The following FA2H variants were observed in gnomAD, a reference collection of about 807,000 sequenced individuals.
FA2H encodes the protein fatty acid alpha-hydroxylase.
FA2H carries 22 observed loss-of-function variants against 44.9 expected under a neutral mutation model. The ratio of observed to expected loss-of-function variants is 0.49; its 90% CI spans 0.35 to 0.70. The LOEUF (loss-of-function observed/expected upper bound fraction) is 0.70, where lower values mean the gene tolerates loss of function less well. Ranked by LOEUF, FA2H falls within the 30% of genes least tolerant of loss-of-function variation. The pLI, the probability that FA2H is intolerant of heterozygous loss-of-function variation, is 0.01. For synonymous variants in FA2H, 243 were observed against 213.2 expected, an observed-to-expected ratio of 1.14 and a Z score of -1.22; for missense variants, 501 against 504.9, an observed-to-expected ratio of 0.99 and a Z score of 0.07.
intron 1 of FA2H, among the ~76,000 whole-genome samples, chr16:74,754,599 C>G (rs1441772174): frequency 1.3e-5 from 2 of 152,124 alleles, no homozygotes; most frequent in African/African-American, 2.4e-5. Context: ...GTGATCTCAG[C>G]TCACTGAGAC....
intron 4 of FA2H, among the ~76,000 whole-genome samples, chr16:74,724,064 G>A (rs929786450): frequency 6.6e-6 from 1 of 151,970 alleles, no homozygotes; most frequent in Admixed American, 6.6e-5. Context: ...ATCATGCCTG[G>A]CTAATTTTTA....
chr16:74,771,266 C>T (rs944651772), intron 1 of FA2H, among the ~76,000 whole-genome samples: 4 of 152,154 alleles, frequency 2.6e-5, no homozygotes, highest in African/African-American at 9.7e-5. Flanking sequence ...TCTCAGCTCA[C>T]TGCAACTTCT....
At chr16:74,724,712 T>C (rs915139115) in intron 4 of FA2H, among the ~76,000 whole-genome samples, 1 of 152,174 alleles carries the variant, frequency 6.6e-6, no homozygotes, top group Non-Finnish European at 1.5e-5. Flanking sequence ...ACTAACCCTC[T>C]ACACTGGACC....
At chr16:74,774,058 A>G (rs1249889711) in intron 1 of FA2H, among the ~76,000 whole-genome samples, 1 of 152,124 alleles carries the variant, frequency 6.6e-6, no homozygotes, top group Non-Finnish European at 1.5e-5. Context: ...AGGTGGGAAC[A>G]GGTTGAGCCC....
chr16:74,741,808 A>ATATATATATATATATGTGTGTGTG (rs1491185782), intron 1 of FA2H, among the ~76,000 whole-genome samples: 5 of 48,420 alleles, frequency 1.0e-4, no homozygotes, highest in Admixed American at 5.1e-4. Context: ...ATATATATAT[A>ATATATATATATATATGTGTGTGTG]TGTGTGTGTG....
At chr16:74,755,903 T>C (rs1962602051) in intron 1 of FA2H, among the ~76,000 whole-genome samples, 1 of 152,168 alleles carries the variant, frequency 6.6e-6, no homozygotes, top group Admixed American at 6.5e-5. Context: ...CGTAAGGGTA[T>C]AGTCTGACAA....
chr16:74,768,950 T>C (rs111272361), intron 1 of FA2H, among the ~76,000 whole-genome samples: 3,562 of 151,960 alleles, frequency 0.023, 148 homozygotes, highest in African/African-American at 0.082. Flanking sequence ...GCAGAGGGCA[T>C]GGTCAGCTGG....
chr16:74,736,674 TTA>T (rs2144629516), intron 2 of FA2H, among the ~76,000 whole-genome samples: 1 of 152,272 alleles, frequency 6.6e-6, no homozygotes, highest in South Asian at 2.1e-4. Context: ...CAGCAGCTGG[TTA>T]TGCCAGCATC....
intron 2 of FA2H, among the ~76,000 whole-genome samples, chr16:74,730,681 G>A (rs1009119759): frequency 6.6e-6 from 1 of 152,142 alleles, no homozygotes; most frequent in Admixed American, 6.5e-5. Context: ...GAAGAAGTTG[G>A]GCCAGGGTCA....
intron 1 of FA2H, among the ~76,000 whole-genome samples, chr16:74,771,908 G>A (rs1264436996): frequency 6.6e-6 from 1 of 151,058 alleles, no homozygotes; most frequent in African/African-American, 2.4e-5. Flanking sequence ...TTCTAAAGAT[G>A]CAAATCTGAC....
chr16:74,768,562 C>T (rs1447857918), intron 1 of FA2H, among the ~76,000 whole-genome samples: 5 of 152,196 alleles, frequency 3.3e-5, no homozygotes, highest in East Asian at 3.9e-4. Flanking sequence ...GTCGACTTCT[C>T]GGCTCTACTC....
At chr16:74,720,829 C>G (rs1426802327) in intron 4 of FA2H, among the ~76,000 whole-genome samples, 1 of 152,202 alleles carries the variant, frequency 6.6e-6, no homozygotes, top group Non-Finnish European at 1.5e-5. Context: ...TCAATTGAAT[C>G]ATATGACATA....
chr16:74,717,979 T>C (rs961612944), intron 5 of FA2H, among the ~76,000 whole-genome samples: 5 of 152,176 alleles, frequency 3.3e-5, no homozygotes, highest in Non-Finnish European at 7.4e-5. Context: ...TGGGCTGCGC[T>C]ACCTCTGAGA....
chr16:74,729,984 C>A (rs8060501), intron 2 of FA2H, among the ~76,000 whole-genome samples: 1 of 152,076 alleles, frequency 6.6e-6, no homozygotes, highest in African/African-American at 2.4e-5. Context: ...CAAGCCTGGA[C>A]GAAACAGCCA....
intron 1 of FA2H, among the ~76,000 whole-genome samples, chr16:74,740,786 G>A (rs1236936447): frequency 2.6e-5 from 4 of 152,110 alleles, no homozygotes; most frequent in East Asian, 1.9e-4. Flanking sequence ...GGTCCCTGCC[G>A]GTTCTCCTTC....
intron 1 of FA2H, among the ~76,000 whole-genome samples, chr16:74,756,069 G>A (rs951254064): frequency 7.2e-5 from 11 of 152,210 alleles, no homozygotes; most frequent in Non-Finnish European, 2.9e-5. Flanking sequence ...CCCTCGGCCA[G>A]AGGGAGAGTA....
intron 1 of FA2H, among the ~76,000 whole-genome samples, chr16:74,755,409 A>G (rs1231131349): frequency 6.6e-6 from 1 of 151,358 alleles, no homozygotes; most frequent in Admixed American, 6.6e-5. Context: ...CAAACTCCCG[A>G]CCTCAGGTGA....
chr16:74,716,686 G>A lies in FA2H; in HGVS notation c.787-87C>T, dbSNP rs747693437. The A allele has an allele frequency of 4.2e-6, 6 of 1,430,130 alleles. No homozygotes were observed. The South Asian group carries it at 8.4e-5, about 20-fold the overall frequency. 88.6% of individuals were successfully genotyped at this position (1,430,130 alleles called of 1,614,324 possible). ...CTGGCCACTCCCTGCAGAGGACAGG[G>A]GCACAGCGGCCCAGACATTCCACTG... On this transcript the variant is annotated intron_variant, in intron 5 of 6. Transcript: ENST00000219368.
intron 4 of FA2H, among the ~76,000 whole-genome samples, chr16:74,721,738 C>T (rs1447814743): frequency 3.3e-5 from 5 of 152,228 alleles, no homozygotes; most frequent in African/African-American, 4.8e-5. Context: ...CACCCAGCTT[C>T]CTACTTCACA....
Sources: gnomAD v4.1 joint callset for allele counts (sites outside exome capture counted in the v4.1 genomes callset) on GRCh38, gnomAD v4.1.1 for gene constraint, MANE v1.5 for transcripts, NCBI Gene and HGNC (gene_info 2026-07-23, HGNC 2026-07-21) for gene names.